The following LRMDA variants were observed in gnomAD, a reference collection of about 807,000 sequenced individuals.
The protein encoded by LRMDA is leucine-rich melanocyte differentiation-associated protein.
In LRMDA, 18 loss-of-function variants were observed where a neutral mutation model predicts 29.8. The ratio of observed to expected loss-of-function variants is 0.60; its 90% CI spans 0.42 to 0.90. LRMDA has a LOEUF of 0.90. Among genes scored for constraint, LRMDA ranks in the 40% least tolerant of loss-of-function variants. LRMDA has a pLI of 0.00. For synonymous variants in LRMDA, 125 were observed against 109.4 expected (o/e 1.14, Z -0.89); for missense variants, 273 against 273.9 (o/e 1.00, Z 0.02).
At chr10:75,984,239 A>G (rs1298967432) in intron 2 of LRMDA, among the ~76,000 whole-genome samples, 1 of 148,092 alleles carries the variant, frequency 6.8e-6, no homozygotes, top group Non-Finnish European at 1.5e-5. Flanking sequence ...TGGGTCCTGC[A>G]AGGCCAGGCT....
intron 4 of LRMDA, among the ~76,000 whole-genome samples, chr10:76,055,941 G>A (rs940333673): frequency 6.6e-5 from 10 of 152,346 alleles, no homozygotes; most frequent in Admixed American, 2.0e-4. Context: ...ACCATGTGGC[G>A]AGTGGGGGGA....
chr10:76,400,315 C>A (rs1390266046), intron 6 of LRMDA, among the ~76,000 whole-genome samples: 4 of 152,162 alleles, frequency 2.6e-5, no homozygotes, highest in Non-Finnish European at 5.9e-5. Flanking sequence ...CTGGTCTGTA[C>A]CTTGATAACA....
intron 2 of LRMDA, among the ~76,000 whole-genome samples, chr10:75,646,979 C>A (rs1841529853): frequency 6.6e-6 from 1 of 152,182 alleles, no homozygotes; most frequent in Non-Finnish European, 1.5e-5. Context: ...TATGTTATGG[C>A]AGAAAGAGGT....
At chr10:76,246,476 G>A (rs1470617377) in intron 5 of LRMDA, among the ~76,000 whole-genome samples, 1 of 152,154 alleles carries the variant, frequency 6.6e-6, no homozygotes, top group African/African-American at 2.4e-5. Flanking sequence ...TAAAATGGAG[G>A]GGTCATTAGA....
At chr10:76,522,306 G>A (rs1439015162) in intron 6 of LRMDA, among the ~76,000 whole-genome samples, 1 of 152,124 alleles carries the variant, frequency 6.6e-6, no homozygotes, top group Non-Finnish European at 1.5e-5. Context: ...GTCCTAGGAT[G>A]CTAGAAAGTC....
At chr10:75,828,576 G>A (rs1418699947) in intron 2 of LRMDA, among the ~76,000 whole-genome samples, 3 of 152,144 alleles carry the variant, frequency 2.0e-5, no homozygotes, top group Non-Finnish European at 4.4e-5. Flanking sequence ...TTTGTGGCCT[G>A]GAAGTTGCAA....
Position 76,363,254 on chromosome 10 carries a change from AGAAGGAAG to A in LRMDA, c.601+38785_601+38792del, listed in dbSNP as rs774111711. 3.7e-4 allele frequency among the ~76,000 whole-genome samples: 17 copies of A among 46,448 alleles called. 5 individuals carry two copies. Among genetic ancestry groups the A allele is most frequent in the East Asian group, 3.6e-3 (4 of 1,096 alleles). 30.5% of individuals were successfully genotyped at this position (46,448 alleles called of 152,430 possible). A position where few individuals can be genotyped will look rare whatever the true frequency, so the allele number is the denominator to read the frequency against. ...AAGAAAGAAAGAAAGAAAGAAAGAAAGAAGGAAGGAAGGAAGGAAGGAAAGGAAGGAAG... is the reference window on the plus strand; with the variant it reads ...AAGAAAGAAAGAAAGAAAGAAAGAAAGAAGGAAGGAAGGAAAGGAAGGAAG... On this transcript the variant is annotated intron_variant, in intron 6 of 6. Transcript: ENST00000611255.
intron 2 of LRMDA, among the ~76,000 whole-genome samples, chr10:75,896,069 G>A (rs1254848586): frequency 6.6e-6 from 1 of 152,170 alleles, no homozygotes; most frequent in Non-Finnish European, 1.5e-5. Context: ...GTTCATGTAT[G>A]GAAAGGAGAT....
At chr10:75,532,927 G>A (rs1845494950) in intron 2 of LRMDA, among the ~76,000 whole-genome samples, 1 of 152,134 alleles carries the variant, frequency 6.6e-6, no homozygotes, top group Non-Finnish European at 1.5e-5. Flanking sequence ...ATTAAAAGAT[G>A]TTTGTCCTTG....
intron 2 of LRMDA, among the ~76,000 whole-genome samples, chr10:75,833,478 T>C (rs972414146): frequency 6.6e-6 from 1 of 152,076 alleles, no homozygotes; most frequent in Middle Eastern, 3.2e-3. Context: ...TAGTTTCCCA[T>C]TGCTGCTGTA....
intron 4 of LRMDA, among the ~76,000 whole-genome samples, chr10:76,051,408 T>C (rs1848529729): frequency 6.6e-6 from 1 of 152,222 alleles, no homozygotes; most frequent in Non-Finnish European, 1.5e-5. Context: ...GAAAATCAGC[T>C]GGCCTCTGCC....
At chr10:76,541,811 G>A (rs1420747778) in intron 6 of LRMDA, among the ~76,000 whole-genome samples, 3 of 152,026 alleles carry the variant, frequency 2.0e-5, no homozygotes, top group Non-Finnish European at 4.4e-5. Context: ...CCTCCCCTAT[G>A]TGTCTCATTT....
Position 75,847,420 on chromosome 10 carries a change from A to ACAG in LRMDA, c.132-188588_132-188587insCAG, listed in dbSNP as rs1564585033. On this transcript the variant is annotated intron_variant, in intron 2 of 6. Coordinates refer to ENST00000611255, the MANE Select transcript of LRMDA (RefSeq NM_001305581.2). Reference sequence around the variant, plus strand: ...AACTATAAAACTCTTAGAAGGAAACATAGGAAAGCTTCAATGCAGTGGATT... The same window carrying ACAG: ...AACTATAAAACTCTTAGAAGGAAACACAGTAGGAAAGCTTCAATGCAGTGGATT... Among the ~76,000 whole-genome samples, 14 of 73,344 alleles carry ACAG rather than the reference A, an allele frequency of 1.9e-4. No individual in the cohort carries two copies. The East Asian group carries it at 5.4e-3, about 28-fold the overall frequency. The allele number at this position is 73,344 out of a possible 152,430, so 48.1% of individuals were successfully genotyped here. A position where few individuals can be genotyped will look rare whatever the true frequency, so the allele number is the denominator to read the frequency against.
At chr10:75,802,973 T>TATA (rs1491576932) in intron 2 of LRMDA, among the ~76,000 whole-genome samples, 27 of 61,148 alleles carry the variant, frequency 4.4e-4, no homozygotes, top group African/African-American at 1.4e-3. Context: ...TATATATATA[T>TATA]TTTTTTTTTT....
intron 2 of LRMDA, among the ~76,000 whole-genome samples, chr10:75,644,386 A>G (rs1342664372): frequency 1.3e-5 from 2 of 152,206 alleles, no homozygotes; most frequent in African/African-American, 2.4e-5. Flanking sequence ...CTGTTTTATC[A>G]TACACATTTA....
At chr10:76,458,143 G>C (rs536615077) in intron 6 of LRMDA, among the ~76,000 whole-genome samples, 3 of 116,600 alleles carry the variant, frequency 2.6e-5, no homozygotes, top group Admixed American at 9.1e-5. Flanking sequence ...AAAAAAACTT[G>C]GCTGTTTAAT....
At chr10:75,746,594 T>C (rs1048119176) in intron 2 of LRMDA, among the ~76,000 whole-genome samples, 1 of 152,204 alleles carries the variant, frequency 6.6e-6, no homozygotes, top group Non-Finnish European at 1.5e-5. Flanking sequence ...AGCTAAGTCA[T>C]TGTTTAATGA....
intron 5 of LRMDA, among the ~76,000 whole-genome samples, chr10:76,216,821 G>A (rs766016980): frequency 4.2e-4 from 64 of 152,290 alleles, no homozygotes; most frequent in Non-Finnish European, 8.1e-4. Flanking sequence ...TCGATAGGAC[G>A]CATGTAAAGA....
At chr10:76,109,952 G>A (rs977038736) in intron 5 of LRMDA, among the ~76,000 whole-genome samples, 1 of 152,134 alleles carries the variant, frequency 6.6e-6, no homozygotes, top group South Asian at 2.1e-4. Flanking sequence ...TCAGCCCAAG[G>A]ACCTCTCTTC....
Sources: allele counts gnomAD v4.1 joint callset (sites outside exome capture counted in the v4.1 genomes callset), GRCh38; gene constraint gnomAD v4.1.1; transcripts MANE v1.5; gene names NCBI Gene and HGNC (gene_info 2026-07-23, HGNC 2026-07-21).